The following TOX3 variants were observed in gnomAD, a reference collection of about 807,000 sequenced individuals.
TOX3 encodes the protein CAG trinucleotide repeat-containing gene F9 protein.
In TOX3, 22 loss-of-function variants were observed where a neutral mutation model predicts 64.3. The ratio of observed to expected loss-of-function variants is 0.34; its 90% confidence interval spans 0.24 to 0.49. The LOEUF is 0.49. Ranked by LOEUF, TOX3 falls within the 20% of genes least tolerant of loss-of-function variation. The probability of loss-of-function intolerance (pLI) is 0.99; values close to 1 mark genes in which losing one functional copy is unlikely to be tolerated. For synonymous variants in TOX3, 291 were observed against 273.6 expected, an observed-to-expected ratio of 1.06 and a Z score of -0.63; for missense variants, 661 against 714.4, an observed-to-expected ratio of 0.93 and a Z score of 0.85.
Position 52,448,230 on chromosome 16 carries a change from C to T in TOX3, c.679-2009G>A, listed in dbSNP as rs1960223015. ...AGACATAATCAATGATAGTTTTAAT[C>T]TTCCTTTCTCAGCTAAGATTCAATG... On this transcript the variant is annotated intron_variant, in intron 4 of 6. Coordinates refer to ENST00000219746, the MANE Select transcript of TOX3 (RefSeq NM_001080430.4). Among the ~76,000 whole-genome samples, 3 of 152,156 alleles carry T rather than the reference C, an allele frequency of 2.0e-5. No individual in the cohort carries two copies. In the South Asian group the frequency reaches 6.2e-4, roughly 32 times the overall value.
chr16:52,492,808 G>GC (rs925178925), intron 1 of TOX3, among the ~76,000 whole-genome samples: 12 of 150,552 alleles, frequency 8.0e-5, no homozygotes, highest in Non-Finnish European at 1.3e-4. Context: ...ATGATGAAAA[G>GC]CCCCTTCCTT....
At chr16:52,497,320 G>A (rs1025020919) in intron 1 of TOX3, among the ~76,000 whole-genome samples, 1 of 152,222 alleles carries the variant, frequency 6.6e-6, no homozygotes, top group African/African-American at 2.4e-5. Flanking sequence ...TTGCCAAGGA[G>A]TGACTCATAT....
intron 1 of TOX3, chr16:52,519,526 T>C: frequency 6.5e-7 from 1 of 1,546,330 alleles, no homozygotes; most frequent in Non-Finnish European, 8.7e-7. Context: ...TCTACCCTCT[T>C]CTGACTCTTC....
chr16:52,438,681 C>A lies in TOX3; in HGVS notation c.*544G>T. 1 of 171,128 alleles carries A rather than the reference C, an allele frequency of 5.8e-6. No individual in the cohort carries two copies. The highest frequency in any genetic ancestry group is 6.0e-5 in the Admixed American group (1 of 16,564). The allele number at this position is 171,128 out of a possible 1,614,324, so 10.6% of individuals were successfully genotyped here. ...AGAGATTTAGGAAAAAAAATAAGAG[C>A]TTTGGCAAAAGTCTGTGATTTACAT... On this transcript the variant is annotated 3_prime_UTR_variant, in exon 7 of 7. Transcript: ENST00000219746.
At chr16:52,487,079 A>G (rs1344864706) in intron 1 of TOX3, among the ~76,000 whole-genome samples, 1 of 151,724 alleles carries the variant, frequency 6.6e-6, no homozygotes, top group Non-Finnish European at 1.5e-5. Flanking sequence ...CCAAAATGGT[A>G]CATAAATGGA....
At chr16:52,507,551 G>C (rs930010495) in intron 1 of TOX3, among the ~76,000 whole-genome samples, 5 of 152,202 alleles carry the variant, frequency 3.3e-5, no homozygotes. Context: ...CCTTAAAGGA[G>C]GTAACTGAAA....
At chr16:52,473,461 G>A (rs1181845617) in intron 1 of TOX3, among the ~76,000 whole-genome samples, 1 of 152,070 alleles carries the variant, frequency 6.6e-6, no homozygotes, top group Admixed American at 6.5e-5. Context: ...ATGGACATCT[G>A]TCAAGTCACT....
intron 3 of TOX3, among the ~76,000 whole-genome samples, chr16:52,451,639 G>A (rs967456548): frequency 6.6e-6 from 1 of 152,008 alleles, no homozygotes; most frequent in Non-Finnish European, 1.5e-5. Context: ...GAGTCCTTCC[G>A]ATAAGGCTTA....
intron 1 of TOX3, among the ~76,000 whole-genome samples, chr16:52,502,464 A>G (rs1390457067): frequency 6.6e-6 from 1 of 152,170 alleles, no homozygotes; most frequent in Non-Finnish European, 1.5e-5. Context: ...CATATTCAAC[A>G]AAAAAAGCAC....
chr16:52,453,577 T>A (rs1960424293), intron 3 of TOX3, among the ~76,000 whole-genome samples: 1 of 152,208 alleles, frequency 6.6e-6, no homozygotes, highest in South Asian at 2.1e-4. Flanking sequence ...AATGAAGTAT[T>A]TTAATTCTGA....
intron 1 of TOX3, among the ~76,000 whole-genome samples, chr16:52,541,363 T>G (rs377523931): frequency 2.6e-5 from 4 of 152,150 alleles, no homozygotes; most frequent in African/African-American, 9.7e-5. Flanking sequence ...AATCAAAATC[T>G]TCAAACTTGA....
chr16:52,477,524 G>T (rs1961243486), intron 1 of TOX3, among the ~76,000 whole-genome samples: 1 of 152,168 alleles, frequency 6.6e-6, no homozygotes, highest in Non-Finnish European at 1.5e-5. Flanking sequence ...GGCAACAGTA[G>T]GGAGAACAAA....
intron 1 of TOX3, among the ~76,000 whole-genome samples, chr16:52,529,160 T>C (rs544828534): frequency 6.6e-6 from 1 of 152,348 alleles, no homozygotes; most frequent in African/African-American, 2.4e-5. Context: ...AACATTAATT[T>C]AAAGTCTCAG....
intron 1 of TOX3, among the ~76,000 whole-genome samples, chr16:52,544,416 C>T (rs1340632810): frequency 6.6e-6 from 1 of 152,140 alleles, no homozygotes; most frequent in Non-Finnish European, 1.5e-5. Context: ...AGTATTGTGG[C>T]TCAGTTTAAA....
chr16:52,440,756 T>C (rs377415904), intron 6 of TOX3, among the ~76,000 whole-genome samples: 3 of 116,644 alleles, frequency 2.6e-5, no homozygotes, highest in African/African-American at 7.9e-5. Context: ...TTCTTTCTTT[T>C]TTTTTTTTTT....
chr16:52,510,094 A>T lies in TOX3; in HGVS notation c.87+36543T>A, dbSNP rs545558040. ...TGCCCTCGCCTCTGATACCTCAAAAAATATCTGTTGCATTTCCAAGGGAAA... is the reference window on the plus strand; with the variant it reads ...TGCCCTCGCCTCTGATACCTCAAAATATATCTGTTGCATTTCCAAGGGAAA... On this transcript the variant is annotated intron_variant, in intron 1 of 6. Transcript: ENST00000219746. Among the ~76,000 whole-genome samples, 10 of 152,200 alleles carry T rather than the reference A, an allele frequency of 6.6e-5. No individual in the cohort carries two copies. In the South Asian group the frequency reaches 2.1e-3, roughly 32 times the overall value.
At chr16:52,541,076 C>T (rs1963067358) in intron 1 of TOX3, among the ~76,000 whole-genome samples, 1 of 152,072 alleles carries the variant, frequency 6.6e-6, no homozygotes, top group Non-Finnish European at 1.5e-5. Context: ...TACAGACCCA[C>T]AACCTTAGCA....
chr16:52,492,564 AATATATATATATATAT>A (rs56848244), intron 1 of TOX3, among the ~76,000 whole-genome samples: 13 of 90,694 alleles, frequency 1.4e-4, no homozygotes, highest in African/African-American at 1.8e-4. Flanking sequence ...GTTGTATATA[AATATATATATATATAT>A]ATATATATAT....
At chr16:52,526,209 A>T (rs982988864) in intron 1 of TOX3, among the ~76,000 whole-genome samples, 1 of 152,202 alleles carries the variant, frequency 6.6e-6, no homozygotes, top group African/African-American at 2.4e-5. Flanking sequence ...GCCTGCCTGG[A>T]ATGTCCAGCG....
Sources: gnomAD v4.1 joint callset for allele counts (sites outside exome capture counted in the v4.1 genomes callset) on GRCh38, gnomAD v4.1.1 for gene constraint, MANE v1.5 for transcripts, NCBI Gene and HGNC (gene_info 2026-07-23, HGNC 2026-07-21) for gene names.